The following FAT1 variants were observed in gnomAD, a reference collection of about 807,000 sequenced individuals.
The protein encoded by FAT1 is FAT atypical cadherin 1.
Under a neutral mutation model 329.8 loss-of-function variants are expected in FAT1, and 171 were observed. The ratio of observed to expected loss-of-function variants is 0.52; its 90% confidence interval spans 0.46 to 0.59. FAT1 has a LOEUF of 0.59. FAT1 is among the 20% of genes least tolerant of loss of function. The pLI, the probability that FAT1 is intolerant of heterozygous loss-of-function variation, is 0.00. For missense variants in FAT1, 5,672 were observed against 5,774.4 expected, an observed-to-expected ratio of 0.98 and a Z score of 0.57; for synonymous variants, 2,233 against 2,228.6, an observed-to-expected ratio of 1.00 and a Z score of -0.06.
In FAT1 at chr4:186,636,737, C is replaced by A. The variant is rs200242253; in HGVS notation, c.3820G>T (p.Val1274Phe). 7.7e-5 allele frequency: 124 copies of A among 1,613,630 alleles called. No individual in the cohort carries two copies. Among genetic ancestry groups the A allele is most frequent in the Non-Finnish European group, 1.0e-4 (121 of 1,179,844 alleles). The stretch of plus-strand genomic sequence containing the variant: ...CCCTCATCCTTGTCGGTGGCTATGA[C>A]GTGATAGAGCGGCTCCCGTCTGGCA... ...RNARREPLYH[V>F]IATDKDEGPN... Residue 1274 changes from valine to phenylalanine, a missense_variant, in exon 5 of 27, where the codon GTC becomes TTC. Val to Phe is a conservative substitution (Grantham distance 50, BLOSUM62 -1). Around this residue, in one of 2 missense-constraint regions of FAT1, gnomAD observed 3,966 missense variants for 3,915.2 expected, o/e 1.01. Transcript: ENST00000441802.
chr4:186,694,083 A>G (rs974512571), intron 2 of FAT1, among the ~76,000 whole-genome samples: 4 of 151,956 alleles, frequency 2.6e-5, no homozygotes, highest in Non-Finnish European at 5.9e-5. Context: ...CATCTAACCC[A>G]TCCACCATCT....
Position 186,619,108 on chromosome 4 carries a change from A to C in FAT1, c.7478T>G (p.Leu2493Arg). 6.2e-7 allele frequency: 1 copy of C among 1,613,994 alleles called. No individual in the cohort carries two copies. Among genetic ancestry groups the C allele is most frequent in the Non-Finnish European group, 8.5e-7 (1 of 1,179,904 alleles). ...IGGNLHSPAFLQNEYEVELAE... is the reference protein window; with the variant it reads ...IGGNLHSPAFRQNEYEVELAE... ...TAGTTCCACTTCATATTCGTTCTGA[A>C]GGAAAGCAGGACTGTGCAAATTGCC... Residue 2493 changes from leucine (L) to arginine (R), a missense_variant, in exon 10 of 27, where the codon CTT becomes CGT. This residue lies in a region of FAT1 where 3,966 missense variants were observed against 3,915.2 expected (regional missense o/e 1.01). Coordinates refer to ENST00000441802, the MANE Select transcript of FAT1 (RefSeq NM_005245.4).
chr4:186,620,574 A>G lies in FAT1; in HGVS notation c.6012T>C (p.Ile2004=), dbSNP rs200115380. 2 of 1,614,000 alleles carry G rather than the reference A, an allele frequency of 1.2e-6. No homozygotes were observed. Among genetic ancestry groups the G allele is most frequent in the Non-Finnish European group, 1.7e-6 (2 of 1,179,884 alleles). ...ACAAAGGCTCATTGATTGGATTCCC[A>G]ATAGCAGTAATGACAGCTAATGTTT... The part of the protein sequence containing the change: ...EAETLAVITA[I]GNPINEPLFY... Residue 2004 remains isoleucine, a synonymous_variant, in exon 10 of 27, where the codon ATT becomes ATC. Transcript: ENST00000441802.
At chr4:186,692,677 C>T (rs188996179) in intron 2 of FAT1, among the ~76,000 whole-genome samples, 1 of 152,128 alleles carries the variant, frequency 6.6e-6, no homozygotes, top group Admixed American at 6.5e-5. Context: ...CAAATCAACA[C>T]TCCTATATTC....
In FAT1 at chr4:186,631,927, TA is replaced by T. The variant is rs1016609483; in HGVS notation, c.4323+1756del. Among the ~76,000 whole-genome samples, 59 of 126,480 alleles carry T rather than the reference TA, an allele frequency of 4.7e-4. No homozygotes were observed. In the Admixed American group the frequency reaches 5.6e-3, roughly 12 times the overall value. 83.0% of individuals were successfully genotyped at this position (126,480 alleles called of 152,430 possible). On this transcript the variant is annotated intron_variant, in intron 7 of 26. Transcript: ENST00000441802. ...AAATTCATATTTCCAGGTTCTCAGC[TA>T]AAGAGGAAAAATAATCTAAACACAA...
chr4:186,696,627 C>G (rs775176430), intron 2 of FAT1, among the ~76,000 whole-genome samples: 23 of 152,176 alleles, frequency 1.5e-4, no homozygotes, highest in Admixed American at 6.5e-5. Flanking sequence ...AAGCTAAAAG[C>G]AAACCAGGAC....
At chr4:186,617,350 C>A in intron 10 of FAT1, 149 bp from the exon 11 acceptor site, 1 of 615,958 alleles carries the variant, frequency 1.6e-6, no homozygotes, top group Non-Finnish European at 2.6e-6. Flanking sequence ...TATTAGCCTT[C>A]CAATTTACAA....
At chr4:186,691,054 T>G (rs927249997) in intron 2 of FAT1, among the ~76,000 whole-genome samples, 2 of 152,240 alleles carry the variant, frequency 1.3e-5, no homozygotes, top group Non-Finnish European at 2.9e-5. Flanking sequence ...GTTATACTAA[T>G]TCATTTGATT....
chr4:186,707,509 C>T lies in FAT1; in HGVS notation c.2319G>A (p.Met773Ile), dbSNP rs1579485838. ...GGTCAAGAGGAGATAAAATTTTCAGCATTCCTGTTTCCATATCAATCATGA... is the reference window on the plus strand; with the variant it reads ...GGTCAAGAGGAGATAAAATTTTCAGTATTCCTGTTTCCATATCAATCATGA... The part of the protein sequence containing the change: ...SCFMIDMETG[M>I]LKILSPLDRE... The change falls in exon 2 of 27, where the codon ATG (methionine) becomes ATA (isoleucine). Residue 773 changes from methionine (M) to isoleucine (I), a missense_variant. Met to Ile is a conservative substitution (Grantham distance 10, BLOSUM62 1). Coordinates refer to ENST00000441802, the MANE Select transcript of FAT1 (RefSeq NM_005245.4). 1.2e-6 allele frequency: 2 copies of T among 1,613,990 alleles called. No homozygotes were observed. Among genetic ancestry groups the T allele is most frequent in the Admixed American group, 1.7e-5 (1 of 60,026 alleles).
intron 11 of FAT1, among the ~76,000 whole-genome samples, chr4:186,616,137 T>A (rs1739698783): frequency 6.6e-6 from 1 of 151,964 alleles, no homozygotes; most frequent in South Asian, 2.1e-4. Flanking sequence ...CCCCCTTGCA[T>A]CCACTCCTCC....
At position 186,669,426 on chromosome 4, in the gene FAT1, G is replaced by A. The variant is rs539571502; in HGVS notation, c.3266-5813C>T. On this transcript the variant is annotated intron_variant, in intron 2 of 26. Transcript: ENST00000441802. Reference sequence around the variant, plus strand: ...AGACAGGTTGAGACACGCTTGTTACGTGTGCCACTCAGCAGTGCCATCAGA... The same window carrying A: ...AGACAGGTTGAGACACGCTTGTTACATGTGCCACTCAGCAGTGCCATCAGA... 2.6e-5 allele frequency among the ~76,000 whole-genome samples: 4 copies of A among 152,332 alleles called. No homozygotes were observed. In the South Asian group the frequency reaches 8.3e-4, roughly 32 times the overall value.
At chr4:186,683,696 C>G (rs927752609) in intron 2 of FAT1, among the ~76,000 whole-genome samples, 1 of 152,064 alleles carries the variant, frequency 6.6e-6, no homozygotes, top group African/African-American at 2.4e-5. Flanking sequence ...TTCCCCACAA[C>G]CTCCTCCTAG....
intron 26 of FAT1, among the ~76,000 whole-genome samples, chr4:186,593,590 G>A (rs1210997906): frequency 2.6e-5 from 4 of 152,160 alleles, no homozygotes; most frequent in African/African-American, 7.2e-5. Context: ...GCACAGAGGC[G>A]TTCCCAGTTA....
At chr4:186,601,495 C>A in intron 20 of FAT1, 69 bp from the exon 21 acceptor site, 1 of 1,352,820 alleles carries the variant, frequency 7.4e-7, no homozygotes, top group Non-Finnish European at 1.0e-6. Context: ...GTATGACTCC[C>A]CTGCACCCCT....
intron 3 of FAT1, among the ~76,000 whole-genome samples, chr4:186,642,615 CAGGTGCTGCGATGGGTGGCT>C (rs369073361): frequency 0.031 from 4,651 of 152,202 alleles, 223 homozygotes; most frequent in African/African-American, 0.099. Context: ...CAGCGTGTGC[CAGGTGCTGCGATGGGTGGCT>C]AGGTGCTGCA....
At chr4:186,662,412 T>A (rs1742216113) in intron 3 of FAT1, among the ~76,000 whole-genome samples, 1 of 152,074 alleles carries the variant, frequency 6.6e-6, no homozygotes, top group African/African-American at 2.4e-5. Context: ...GATTTTGAGG[T>A]CATGGAGCTA....
Position 186,625,459 on chromosome 4 carries a change from G to A in FAT1, c.4810+2695C>T, listed in dbSNP as rs76070009. On this transcript the variant is annotated intron_variant, in intron 9 of 26. Coordinates refer to ENST00000441802, the MANE Select transcript of FAT1 (RefSeq NM_005245.4). ...TAAATAAACATAGTTTAACCACCTA[G>A]AACACATCAGTAAGTTTTTTAAAAT... Among the ~76,000 whole-genome samples the A allele has an allele frequency of 1.2e-4, 19 of 152,116 alleles. No individual in the cohort carries two copies. In the East Asian group the frequency reaches 3.7e-3, roughly 29 times the overall value.
chr4:186,597,688 C>T lies in FAT1; in HGVS notation c.12362G>A (p.Gly4121Glu), dbSNP rs773654248. ...TTTGAAAGAAACCATTTACCTTTCT[C>T]CCCTAAAACCCGAATCACACTGACA... Reference protein sequence around the residue: ...AVCQCDSGFRGERCQSDIDEC... With the variant: ...AVCQCDSGFREERCQSDIDEC... Residue 4121 changes from glycine to glutamate, a missense_variant, in exon 24 of 27, where the codon GGA (glycine) becomes GAA (glutamate). By Grantham distance (98) the Gly-to-Glu change is moderately conservative. This residue lies in a region of FAT1 where 1,706 missense variants were observed against 1,859.1 expected (regional missense o/e 0.92). Transcript: ENST00000441802. 3.7e-6 allele frequency: 6 copies of T among 1,613,098 alleles called. No homozygotes were observed. The highest frequency in any genetic ancestry group is 5.1e-6 in the Non-Finnish European group (6 of 1,179,196).
upstream of FAT1, among the ~76,000 whole-genome samples, chr4:186,724,621 A>T (rs1451930943): frequency 6.6e-6 from 1 of 152,106 alleles, no homozygotes; most frequent in African/African-American, 2.4e-5. This position sits in a 1 kb window ranked among gnomAD's most constrained non-coding sequence, Gnocchi z 5.3. Context: ...GGGAAGCCCC[A>T]GCGCCGAGAA....
Sources: allele counts gnomAD v4.1 joint callset (sites outside exome capture counted in the v4.1 genomes callset), GRCh38; gene constraint gnomAD v4.1.1; regional missense constraint gnomAD v4.1.1; non-coding constraint Gnocchi (gnomAD v3.1); transcripts MANE v1.5; gene names NCBI Gene and HGNC (gene_info 2026-07-23, HGNC 2026-07-21).